Variants in ELMOD1 observed in about 807,000 individuals in gnomAD.
ELMOD1 encodes the protein ELMO domain-containing protein 1.
A neutral mutation model predicts 46.7 loss-of-function variants in ELMOD1; 21 were observed. That is an observed-to-expected ratio of 0.45 (90% confidence interval 0.32 to 0.65). The LOEUF is 0.65. Among genes scored for constraint, ELMOD1 ranks in the 30% least tolerant of loss-of-function variants. The pLI is 0.04. For missense variants in ELMOD1, 348 were observed against 407.8 expected (o/e 0.85, Z 1.26); for synonymous variants, 122 against 138.2 (o/e 0.88, Z 0.82).
chr11:107,644,458 GAT>G (rs1197089332), intron 6 of ELMOD1, among the ~76,000 whole-genome samples: 2 of 150,904 alleles, frequency 1.3e-5, no homozygotes, highest in Non-Finnish European at 3.0e-5. Flanking sequence ...GATGAAACAA[GAT>G]ATATATATAT....
At chr11:107,661,307 T>C (rs1866736511) in intron 11 of ELMOD1, among the ~76,000 whole-genome samples, 1 of 152,210 alleles carries the variant, frequency 6.6e-6, no homozygotes, top group Non-Finnish European at 1.5e-5. Flanking sequence ...TGAATCCACA[T>C]TCTTCTGTAA....
chr11:107,644,599 C>T (rs1290103960), intron 6 of ELMOD1, among the ~76,000 whole-genome samples: 1 of 151,908 alleles, frequency 6.6e-6, no homozygotes, highest in East Asian at 2.0e-4. Context: ...CTCAGCCTCC[C>T]GAGTAGCTGG....
chr11:107,655,792 G>T, intron 10 of ELMOD1, 141 bp from the exon 11 acceptor site: 1 of 878,616 alleles, frequency 1.1e-6, no homozygotes, highest in Non-Finnish European at 1.7e-6. Context: ...TCCCCTTTTA[G>T]ACCATAAAGT....
At chr11:107,612,480 C>T (rs990055637) in intron 1 of ELMOD1, among the ~76,000 whole-genome samples, 6 of 152,132 alleles carry the variant, frequency 3.9e-5, no homozygotes, top group Non-Finnish European at 8.8e-5. Flanking sequence ...TATAACAAAC[C>T]TGCAAATATA....
chr11:107,592,759 T>G (rs936685172), intron 1 of ELMOD1: 1 of 175,282 alleles, frequency 5.7e-6, no homozygotes, highest in African/African-American at 2.4e-5. Flanking sequence ...CCCATTAACG[T>G]AGGGAACGTT....
intron 1 of ELMOD1, among the ~76,000 whole-genome samples, chr11:107,616,957 A>T (rs1215444016): frequency 6.6e-6 from 1 of 152,218 alleles, no homozygotes; most frequent in East Asian, 1.9e-4. Context: ...TAAAATTTGG[A>T]TTCATTTAGA....
chr11:107,602,013 T>G (rs921551624), intron 1 of ELMOD1, among the ~76,000 whole-genome samples: 16 of 152,210 alleles, frequency 1.1e-4, no homozygotes, highest in Non-Finnish European at 1.9e-4. Flanking sequence ...ATCTCCATTT[T>G]GGTGGAAAGC....
chr11:107,627,893 C>G (rs1029549914), intron 2 of ELMOD1, among the ~76,000 whole-genome samples: 10 of 152,114 alleles, frequency 6.6e-5, no homozygotes, highest in African/African-American at 2.2e-4. Flanking sequence ...AGGTAGCTTC[C>G]TTTGAGGTGC....
chr11:107,597,738 C>A (rs555777428), intron 1 of ELMOD1, among the ~76,000 whole-genome samples: 4 of 152,010 alleles, frequency 2.6e-5, no homozygotes, highest in Non-Finnish European at 5.9e-5. Context: ...GTTAGTTATT[C>A]CCTAGGTAAT....
intron 11 of ELMOD1, 49 bp downstream of exon 11, chr11:107,656,115 C>T (rs1012577632): frequency 3.8e-5 from 59 of 1,538,170 alleles, no homozygotes; most frequent in South Asian, 1.7e-4. Context: ...ACGCTGGGCA[C>T]GGTGGCTCAC....
intron 1 of ELMOD1, chr11:107,591,780 C>T (rs921044120): frequency 8.7e-6 from 4 of 460,832 alleles, no homozygotes; most frequent in Admixed American, 4.8e-5. Context: ...ACAAGGGCGG[C>T]CTGGCTGGGG....
intron 1 of ELMOD1, among the ~76,000 whole-genome samples, chr11:107,601,147 A>T (rs1435455620): frequency 6.6e-6 from 1 of 151,906 alleles, no homozygotes; most frequent in Non-Finnish European, 1.5e-5. Flanking sequence ...AACTGTTTAT[A>T]CTGCTGTTTC....
chr11:107,663,118 C>A (rs1043180066), intron 11 of ELMOD1, among the ~76,000 whole-genome samples: 1 of 152,026 alleles, frequency 6.6e-6, no homozygotes, highest in Non-Finnish European at 1.5e-5. Flanking sequence ...ATGCTGCCTC[C>A]GGGAATCCAA....
At chr11:107,595,214 T>A (rs1171819816) in intron 1 of ELMOD1, among the ~76,000 whole-genome samples, 5 of 151,944 alleles carry the variant, frequency 3.3e-5, no homozygotes, top group Admixed American at 6.6e-5. Context: ...TCCATATGTG[T>A]GGTTAAATTT....
At chr11:107,613,634 CATT>C (rs1288639686) in intron 1 of ELMOD1, among the ~76,000 whole-genome samples, 8 of 152,164 alleles carry the variant, frequency 5.3e-5, no homozygotes, top group Non-Finnish European at 1.0e-4. Context: ...TATCTCACAT[CATT>C]ATGAAATAAA....
intron 1 of ELMOD1, among the ~76,000 whole-genome samples, chr11:107,613,491 G>A (rs573149888): frequency 3.9e-5 from 6 of 152,192 alleles, no homozygotes; most frequent in African/African-American, 1.2e-4. Flanking sequence ...TAATAGGAAG[G>A]CTCTTTTACT....
At chr11:107,615,360 C>T (rs886662835) in intron 1 of ELMOD1, among the ~76,000 whole-genome samples, 3 of 151,208 alleles carry the variant, frequency 2.0e-5, no homozygotes, top group African/African-American at 4.9e-5. Flanking sequence ...CTCAGCCTCC[C>T]AAGTAGCTGG....
intron 11 of ELMOD1, among the ~76,000 whole-genome samples, chr11:107,658,983 G>T (rs1260675457): frequency 6.6e-6 from 1 of 152,184 alleles, no homozygotes; most frequent in Non-Finnish European, 1.5e-5. Flanking sequence ...AGCTCACTCA[G>T]CCTGGAAGTC....
At chr11:107,626,816 C>T (rs1242574085) in intron 2 of ELMOD1, among the ~76,000 whole-genome samples, 2 of 152,086 alleles carry the variant, frequency 1.3e-5, no homozygotes, top group Non-Finnish European at 2.9e-5. Flanking sequence ...TGATCCTCAG[C>T]AGTTTTTTCC....
Sources: gnomAD v4.1 joint callset for allele counts (sites outside exome capture counted in the v4.1 genomes callset) on GRCh38, gnomAD v4.1.1 for gene constraint, MANE v1.5 for transcripts, NCBI Gene and HGNC (gene_info 2026-07-23, HGNC 2026-07-21) for gene names.